IQGAP1: variants seen among roughly 807,000 people sequenced by gnomAD.
IQGAP1 encodes the protein IQ motif containing GTPase activating protein 1.
In IQGAP1, 66 loss-of-function variants were observed where a neutral mutation model predicts 215.6. The ratio of observed to expected loss-of-function variants is 0.31; its 90% CI spans 0.25 to 0.38. The LOEUF is 0.38. Ranked by LOEUF, IQGAP1 falls within the 10% of genes least tolerant of loss-of-function variation. IQGAP1 has a pLI of 1.00. For synonymous variants in IQGAP1, 772 were observed against 728.7 expected (o/e 1.06, Z -0.96); for missense variants, 1,712 against 1,997.1 (o/e 0.86, Z 2.72).
intron 35 of IQGAP1, among the ~76,000 whole-genome samples, chr15:90,493,130 C>G (rs940117587): frequency 2.0e-5 from 3 of 151,934 alleles, no homozygotes; most frequent in Admixed American, 1.3e-4. Flanking sequence ...ATAGTCCCAG[C>G]TACTTGGGAG....
chr15:90,473,498 G>A (rs897152561), intron 19 of IQGAP1: 1 of 543,212 alleles, frequency 1.8e-6, no homozygotes, highest in South Asian at 2.0e-5. Flanking sequence ...AAGGTGTGCA[G>A]GGCTGTGCTG....
At position 90,426,096 on chromosome 15, in the gene IQGAP1, C is replaced by G. The variant is rs754545007; in HGVS notation, c.156-14C>G. On this transcript the variant is annotated splice_polypyrimidine_tract_variant and intron_variant, in intron 2 of 37. Transcript: ENST00000268182. ...TTCCCTTTCTTTTTTTGCATCCTCTCTCCTTTGGTGCAGGTGGATGGAAGC... is the reference window on the plus strand; with the variant it reads ...TTCCCTTTCTTTTTTTGCATCCTCTGTCCTTTGGTGCAGGTGGATGGAAGC... The G allele has an allele frequency of 3.2e-6, 5 of 1,586,612 alleles. No individual in the cohort carries two copies. In the South Asian group the frequency reaches 5.8e-5, roughly 18 times the overall value.
chr15:90,500,291 A>T lies in IQGAP1; in HGVS notation c.*183A>T. 1.8e-6 allele frequency: 1 copy of T among 541,238 alleles called. No individual in the cohort carries two copies. Among genetic ancestry groups the T allele is most frequent in the Non-Finnish European group, 3.3e-6 (1 of 300,070 alleles). 33.5% of individuals were successfully genotyped at this position (541,238 alleles called of 1,614,324 possible). The stretch of plus-strand genomic sequence containing the variant: ...ATGGGACATTTGTTACCCTTTTTTC[A>T]TAGTGAAATTGTGTTTCAGGCTTAG... On this transcript the variant is annotated 3_prime_UTR_variant, in exon 38 of 38. Coordinates refer to ENST00000268182, the MANE Select transcript of IQGAP1 (RefSeq NM_003870.4).
At chr15:90,392,207 C>T (rs1375665540) in intron 2 of IQGAP1, among the ~76,000 whole-genome samples, 1 of 152,134 alleles carries the variant, frequency 6.6e-6, no homozygotes, top group Non-Finnish European at 1.5e-5. Flanking sequence ...CTTTTCTGAG[C>T]TTAAAACTTC....
At chr15:90,484,175 T>C (rs1459645745) in intron 29 of IQGAP1, 45 bp from the exon 30 acceptor site, 2 of 1,591,104 alleles carry the variant, frequency 1.3e-6, no homozygotes, top group Admixed American at 1.8e-5. Flanking sequence ...GCCAACTTCA[T>C]GTGTATGTCC....
At chr15:90,451,546 A>C (rs1017634213) in intron 11 of IQGAP1, among the ~76,000 whole-genome samples, 3 of 152,130 alleles carry the variant, frequency 2.0e-5, no homozygotes, top group African/African-American at 7.2e-5. Context: ...GCCGTTGATG[A>C]GACATTTGCT....
At chr15:90,493,809 C>T (rs1978150) in intron 35 of IQGAP1, among the ~76,000 whole-genome samples, 85,630 of 152,060 alleles carry the variant, frequency 0.56, 25,535 homozygotes, top group East Asian at 0.85. Flanking sequence ...TTCATTGTTC[C>T]TTGTGCACTT....
chr15:90,410,533 G>GT (rs1964945498), intron 2 of IQGAP1, among the ~76,000 whole-genome samples: 1 of 152,146 alleles, frequency 6.6e-6, no homozygotes, highest in Non-Finnish European at 1.5e-5. Flanking sequence ...CATGTCCTTT[G>GT]TAGGGACATG....
intron 2 of IQGAP1, among the ~76,000 whole-genome samples, chr15:90,407,924 A>G (rs186908245): frequency 3.9e-5 from 6 of 152,372 alleles, no homozygotes; most frequent in African/African-American, 1.4e-4. Flanking sequence ...GTTACCCAAC[A>G]TCAGAGAATG....
chr15:90,471,489 T>C (rs1479209683), intron 18 of IQGAP1, among the ~76,000 whole-genome samples: 1 of 150,620 alleles, frequency 6.6e-6, no homozygotes, highest in East Asian at 1.9e-4. Flanking sequence ...GACCTCGCTC[T>C]ACCTCATGAA....
chr15:90,403,216 C>T (rs1404760339), intron 2 of IQGAP1, among the ~76,000 whole-genome samples: 3 of 152,192 alleles, frequency 2.0e-5, no homozygotes, highest in African/African-American at 7.2e-5. Context: ...TTCGAGGCTG[C>T]AGTGAGCTAC....
chr15:90,403,876 T>C (rs1963478), intron 2 of IQGAP1, among the ~76,000 whole-genome samples: 25,148 of 152,206 alleles, frequency 0.17, 2,203 homozygotes, highest in South Asian at 0.23. Context: ...GGTTTCACCA[T>C]GTTGGCCAGG....
At chr15:90,439,294 G>C (rs760206359) in intron 5 of IQGAP1, 38 bp from the exon 6 acceptor site, 1 of 1,561,840 alleles carries the variant, frequency 6.4e-7, no homozygotes, top group South Asian at 1.1e-5. Context: ...GCTAGGCACA[G>C]CTGGGAGGCC....
intron 2 of IQGAP1, among the ~76,000 whole-genome samples, chr15:90,404,726 G>C (rs147281511): frequency 6.6e-6 from 1 of 150,980 alleles, no homozygotes; most frequent in Non-Finnish European, 1.5e-5. Flanking sequence ...TTACAGGCGC[G>C]TATCACCACA....
rs1490644239 is a variant in IQGAP1 at position 90,500,052 on chromosome 15, A to G, written c.4918A>G (p.Lys1640Glu). The G allele has an allele frequency of 1.2e-6, 2 of 1,613,188 alleles. No individual in the cohort carries two copies. Among genetic ancestry groups the G allele is most frequent in the Non-Finnish European group, 8.5e-7 (1 of 1,179,106 alleles). Residue 1640 changes from lysine to glutamate, a missense_variant, in exon 38 of 38, where the codon AAA becomes GAA. By Grantham distance (56) the Lys-to-Glu change is moderately conservative. Around this residue, in one of 2 missense-constraint regions of IQGAP1, gnomAD observed 691 missense variants for 923.0 expected, o/e 0.75. Coordinates refer to ENST00000268182, the MANE Select transcript of IQGAP1 (RefSeq NM_003870.4). ...AGTCATGAAATTATTTGATAGAGCTAAAGTAAATGTCAACCTCCTGATCTT... is the reference window on the plus strand; with the variant it reads ...AGTCATGAAATTATTTGATAGAGCTGAAGTAAATGTCAACCTCCTGATCTT... ...VAVMKLFDRAKVNVNLLIFLL... is the reference protein window; with the variant it reads ...VAVMKLFDRAEVNVNLLIFLL...
intron 3 of IQGAP1, among the ~76,000 whole-genome samples, chr15:90,428,929 C>G (rs1006125648): frequency 2.6e-5 from 4 of 152,192 alleles, no homozygotes; most frequent in African/African-American, 9.7e-5. Flanking sequence ...TTGGCTCTCA[C>G]TGCAACCTCT....
chr15:90,406,400 G>T (rs1176933587), intron 2 of IQGAP1, among the ~76,000 whole-genome samples: 2 of 152,200 alleles, frequency 1.3e-5, no homozygotes, highest in Non-Finnish European at 2.9e-5. Context: ...CTCCTGACCT[G>T]GTGATCCACC....
chr15:90,425,235 G>A (rs985513704), intron 2 of IQGAP1, among the ~76,000 whole-genome samples: 6 of 151,646 alleles, frequency 4.0e-5, no homozygotes, highest in Admixed American at 1.3e-4. Context: ...GCTTGAACCC[G>A]GGAGGCGGAG....
In IQGAP1 at chr15:90,467,568, G is replaced by A. The variant is rs747163147; in HGVS notation, c.2154G>A (p.Met718Ile). Residue 718 changes from methionine to isoleucine, a missense_variant, in exon 18 of 38, where the codon ATG (methionine) becomes ATA (isoleucine). By Grantham distance (10) the Met-to-Ile change is conservative (BLOSUM62 1). Transcript: ENST00000268182. The stretch of plus-strand genomic sequence containing the variant: ...CTCCAAATTTTGTGCAAAATTCTAT[G>A]CAGCTTTCTCGGGAGGAGATCCAGG... ...DEPPNFVQNS[M>I]QLSREEIQSS... is the part of the protein sequence containing the mutation. 3 of 1,612,020 alleles carry A rather than the reference G, an allele frequency of 1.9e-6. No individual in the cohort carries two copies. The highest frequency in any genetic ancestry group is 1.7e-6 in the Non-Finnish European group (2 of 1,179,348).
Sources: gnomAD v4.1 joint callset for allele counts (sites outside exome capture counted in the v4.1 genomes callset) on GRCh38, gnomAD v4.1.1 for gene constraint, gnomAD v4.1.1 regional missense constraint, MANE v1.5 for transcripts, NCBI Gene and HGNC (gene_info 2026-07-23, HGNC 2026-07-21) for gene names.